The following BICRA variants were observed in gnomAD, a reference collection of about 807,000 sequenced individuals.
BICRA encodes BRD4-interacting chromatin-remodeling complex-associated protein.
In BICRA, 31 loss-of-function variants were observed where a neutral mutation model predicts 96.9. The ratio of observed to expected loss-of-function variants is 0.32; its 90% CI spans 0.24 to 0.43. BICRA has a LOEUF of 0.43. BICRA is among the 20% of genes least tolerant of loss of function. BICRA has a pLI of 1.00. For synonymous variants in BICRA, 1,350 were observed against 1,071.8 expected, an observed-to-expected ratio of 1.26 and a Z score of -5.07; for missense variants, 2,283 against 2,190.3, an observed-to-expected ratio of 1.04 and a Z score of -0.84.
chr19:47,647,243 A>G (rs747760574), intron 1 of BICRA, among the ~76,000 whole-genome samples: 2 of 151,806 alleles, frequency 1.3e-5, no homozygotes, highest in African/African-American at 2.4e-5. Flanking sequence ...ATGATGCCGT[A>G]TGAATGTTTG....
intron 1 of BICRA, among the ~76,000 whole-genome samples, chr19:47,641,610 G>C (rs1026259899): frequency 9.9e-5 from 15 of 152,032 alleles, no homozygotes; most frequent in African/African-American, 3.6e-4. Context: ...CTGCACTCCA[G>C]CCTGGGTGAC....
chr19:47,698,667 C>T lies in BICRA; in HGVS notation c.3282C>T (p.Ser1094=), dbSNP rs762308796. The T allele has an allele frequency of 3.2e-6, 5 of 1,580,292 alleles. No individual in the cohort carries two copies. The African/African-American group carries it at 5.4e-5, about 17-fold the overall frequency. The part of the protein sequence containing the change: ...FLEHLHKHQG[S]VLHPDYKTAF... ...AGCATTTGCACAAACACCAGGGCTC[C>T]GTCCTGCACCCCGACTACAAGACGG... Residue 1094 remains serine (S), a synonymous_variant, in exon 12 of 15, where the codon TCC becomes TCT. Transcript: ENST00000594866. This position sits in a 1 kb window ranked among gnomAD's most constrained non-coding sequence, Gnocchi z 4.8.
chr19:47,685,782 TGTGTGCGCGC>T (rs1369093970), intron 7 of BICRA, among the ~76,000 whole-genome samples: 36 of 124,918 alleles, frequency 2.9e-4, no homozygotes, highest in Admixed American at 1.4e-3. Context: ...TGTGTGTGTG[TGTGTGCGCGC>T]GCGCGCGCAT....
chr19:47,694,868 C>G, intron 8 of BICRA, 32 bp from the exon 9 acceptor site: 2 of 1,459,936 alleles, frequency 1.4e-6, no homozygotes, highest in Non-Finnish European at 1.8e-6. Flanking sequence ...AGCCTATGTT[C>G]CCCACCCCTC....
In BICRA at chr19:47,682,104, C is replaced by T. The variant is rs762527059; in HGVS notation, c.2235C>T (p.Leu745=). The T allele has an allele frequency of 9.9e-6, 15 of 1,518,442 alleles. No homozygotes were observed. The highest frequency in any genetic ancestry group is 2.7e-5 in the African/African-American group (2 of 72,972). The allele number at this position is 1,518,442 out of a possible 1,614,324, so 94.1% of individuals were successfully genotyped here. Residue 745 remains leucine (L), a synonymous_variant, in exon 7 of 15, where the codon CTC becomes CTT. Transcript: ENST00000594866. The stretch of plus-strand genomic sequence containing the variant: ...CCCCCGTCGCCAAAGGAGCTGGCCT[C>T]GGCCCTCAGGCCCCCGACAGCCAGG... ...PATPVAKGAG[L]GPQAPDSQAS...
chr19:47,645,817 C>T (rs565217134), intron 1 of BICRA, among the ~76,000 whole-genome samples: 3 of 152,288 alleles, frequency 2.0e-5, no homozygotes, highest in African/African-American at 7.2e-5. Flanking sequence ...GACTGAGATT[C>T]CAGGTGCAGT....
chr19:47,681,007 G>C lies in BICRA; in HGVS notation c.1837G>C (p.Gly613Arg), dbSNP rs1401035422. ...VQPATPAAAT[G>R]EAAPVLTVQP... ...GCCGGCCACCCCTGCCGCTGCCACC[G>C]GGGAGGCCGCGCCTGTCCTCACGGT... is the stretch of plus-strand genomic sequence containing the variant. Residue 613 changes from glycine to arginine, a missense_variant, in exon 6 of 15, where the codon GGG becomes CGG. Physicochemically the swap from Gly to Arg is moderately radical, Grantham distance 125. Transcript: ENST00000594866. 2 of 1,452,796 alleles carry C rather than the reference G, an allele frequency of 1.4e-6. No homozygotes were observed. The highest frequency in any genetic ancestry group is 1.8e-6 in the Non-Finnish European group (2 of 1,112,280). The allele number at this position is 1,452,796 out of a possible 1,614,324, so 90.0% of individuals were successfully genotyped here.
chr19:47,690,773 A>G (rs1973229250), intron 7 of BICRA, among the ~76,000 whole-genome samples: 1 of 145,762 alleles, frequency 6.9e-6, no homozygotes, highest in African/African-American at 2.5e-5. Context: ...GTCATTTGGC[A>G]TGTGACTTAA....
chr19:47,701,545 T>TTCC lies in BICRA; in HGVS notation c.3825_3827dup (p.Ser1276dup), dbSNP rs753141229. On this transcript the variant is annotated inframe_insertion, in exon 15 of 15. Coordinates refer to ENST00000594866, the MANE Select transcript of BICRA (RefSeq NM_001394372.1). This position sits in a 1 kb window ranked among gnomAD's most constrained non-coding sequence, Gnocchi z 5.4. ...GGGCGTCCTCCTCCCTGTCCTCCTCTTCCTCCTCCTCCTCTGCCGCCTCCT... is the reference window on the plus strand; with the variant it reads ...GGGCGTCCTCCTCCCTGTCCTCCTCTTCCTCCTCCTCCTCCTCTGCCGCCTCCT... The TTCC allele has an allele frequency of 8.3e-5, 129 of 1,548,272 alleles. No individual in the cohort carries two copies. Among genetic ancestry groups the TTCC allele is most frequent in the Non-Finnish European group, 1.0e-4 (119 of 1,146,248 alleles).
chr19:47,698,871 CGGTGCGCT>C lies in BICRA; in HGVS notation c.3397+90_3398-86del. On this transcript the variant is annotated intron_variant, in intron 12 of 14. Transcript: ENST00000594866. This position sits in a 1 kb window ranked among gnomAD's most constrained non-coding sequence, Gnocchi z 4.8. ...TCGCCAGTGTGGAGCCGCAGGTCCA[CGGTGCGCT>C]ATGCTGACCCTGCCCCGCCCTCCTT... The C allele has an allele frequency of 2.2e-6, 3 of 1,333,838 alleles. No homozygotes were observed. Among genetic ancestry groups the C allele is most frequent in the Non-Finnish European group, 3.2e-6 (3 of 950,090 alleles). The allele number at this position is 1,333,838 out of a possible 1,614,324, so 82.6% of individuals were successfully genotyped here. A position where few individuals can be genotyped will look rare whatever the true frequency, so the allele number is the denominator to read the frequency against.
At chr19:47,694,077 A>AG in intron 7 of BICRA, 38 bp from the exon 8 acceptor site, 5 of 1,410,502 alleles carry the variant, frequency 3.5e-6, no homozygotes, top group East Asian at 5.5e-5. Flanking sequence ...GTTGGTTCTG[A>AG]CCCCCGCCCC....
chr19:47,643,801 G>A (rs1204332923), intron 1 of BICRA, among the ~76,000 whole-genome samples: 1 of 152,098 alleles, frequency 6.6e-6, no homozygotes, highest in Non-Finnish European at 1.5e-5. Flanking sequence ...ATATTTAAGC[G>A]TCCAGAGCCC....
chr19:47,694,305 C>A lies in BICRA; in HGVS notation c.2474C>A (p.Pro825His). 1 of 986,322 alleles carries A rather than the reference C, an allele frequency of 1.0e-6. No individual in the cohort carries two copies. The highest frequency in any genetic ancestry group is 1.5e-6 in the Non-Finnish European group (1 of 652,818). 61.1% of individuals were successfully genotyped at this position (986,322 alleles called of 1,614,324 possible). A position where few individuals can be genotyped will look rare whatever the true frequency, so the allele number is the denominator to read the frequency against. The change falls in exon 8 of 15, where the codon CCC becomes CAC. Residue 825 changes from proline to histidine, a missense_variant. Transcript: ENST00000594866. ...CCACCCTTGCACCCTTGCCCCCCAC[C>A]CCAGGCCCCCCCAACTCTGCCTGGC... ...SEPPLHPCPP[P>H]QAPPTLPGIF... is the part of the protein sequence containing the mutation.
rs543499092 is a variant in BICRA at position 47,628,543 on chromosome 19, A to C, written c.-108+19375A>C. 9.2e-5 allele frequency among the ~76,000 whole-genome samples: 14 copies of C among 152,294 alleles called. No homozygotes were observed. In the East Asian group the frequency reaches 2.5e-3, roughly 27 times the overall value. ...TGTGTTAATCATTACATATGGAAAA[A>C]AGTCATATAACACGACGAAAGTCTT... On this transcript the variant is annotated intron_variant, in intron 1 of 14. Coordinates refer to ENST00000594866, the MANE Select transcript of BICRA (RefSeq NM_001394372.1).
chr19:47,623,738 G>C (rs1014702353), intron 1 of BICRA, among the ~76,000 whole-genome samples: 3 of 152,126 alleles, frequency 2.0e-5, no homozygotes, highest in African/African-American at 7.2e-5. Flanking sequence ...AGCTTCTAGG[G>C]CAGGCTTTGG....
rs1973445185 is a variant in BICRA, at chr19:47,701,534, C to T, written c.3802C>T (p.Leu1268=). 2 of 1,549,082 alleles carry T rather than the reference C, an allele frequency of 1.3e-6. No homozygotes were observed. The highest frequency in any genetic ancestry group is 2.7e-5 in the African/African-American group (2 of 73,118). The change falls in exon 15 of 15, where the codon CTG becomes TTG. Residue 1268 remains leucine, a synonymous_variant. Transcript: ENST00000594866. This position sits in a 1 kb window ranked among gnomAD's most constrained non-coding sequence, Gnocchi z 5.4. ...SVTWARASSS[L]SSSSSSSSAA... ...CACCTGGGCCCGGGCGTCCTCCTCCCTGTCCTCCTCTTCCTCCTCCTCCTC... is the reference window on the plus strand; with the variant it reads ...CACCTGGGCCCGGGCGTCCTCCTCCTTGTCCTCCTCTTCCTCCTCCTCCTC...
At chr19:47,697,317 C>T (rs894997504) in intron 11 of BICRA, among the ~76,000 whole-genome samples, 5 of 150,424 alleles carry the variant, frequency 3.3e-5, no homozygotes, top group Non-Finnish European at 4.4e-5. Flanking sequence ...CATATAAGTC[C>T]GGGGGGCAGA....
intron 10 of BICRA, among the ~76,000 whole-genome samples, chr19:47,696,067 G>C (rs1009843583): frequency 6.6e-6 from 1 of 152,072 alleles, no homozygotes. Flanking sequence ...AGGCGGGGGG[G>C]CGAAACGACA....
At chr19:47,629,513 T>G (rs898846556) in intron 1 of BICRA, among the ~76,000 whole-genome samples, 1 of 152,214 alleles carries the variant, frequency 6.6e-6, no homozygotes, top group Non-Finnish European at 1.5e-5. Flanking sequence ...ATTTCTCTCC[T>G]CTTTAAGGTT....
Sources: gnomAD v4.1 joint callset for allele counts (sites outside exome capture counted in the v4.1 genomes callset) on GRCh38, gnomAD v4.1.1 for gene constraint, Gnocchi (gnomAD v3.1) non-coding constraint, MANE v1.5 for transcripts, NCBI Gene and HGNC (gene_info 2026-07-23, HGNC 2026-07-21) for gene names.